Variants in ARHGAP15 observed in about 807,000 individuals in gnomAD.
ARHGAP15 encodes the protein rho GTPase-activating protein 15.
A neutral mutation model predicts 63.7 loss-of-function variants in ARHGAP15; 51 were observed. The observed-to-expected ratio is 0.80, with a 90% CI of 0.64 to 1.01. The LOEUF (loss-of-function observed/expected upper bound fraction) is 1.01. Among genes scored for constraint, ARHGAP15 ranks in the 50% least tolerant of loss-of-function variants. The pLI, the probability that ARHGAP15 is intolerant of heterozygous loss-of-function variation, is 0.00. For synonymous variants in ARHGAP15, 191 were observed against 193.8 expected, an observed-to-expected ratio of 0.99 and a Z score of 0.12; for missense variants, 560 against 564.6, an observed-to-expected ratio of 0.99 and a Z score of 0.08.
intron 6 of ARHGAP15, among the ~76,000 whole-genome samples, chr2:143,346,042 T>A (rs969983450): frequency 6.6e-6 from 1 of 152,080 alleles, no homozygotes; most frequent in East Asian, 1.9e-4. Context: ...CTACCCATTT[T>A]GGGATAAAAA....
intron 12 of ARHGAP15, among the ~76,000 whole-genome samples, chr2:143,630,920 G>A (rs1193026748): frequency 6.6e-6 from 1 of 152,020 alleles, no homozygotes; most frequent in Non-Finnish European, 1.5e-5. Context: ...CCAGGAAAAA[G>A]AACATCTCTG....
At chr2:143,462,773 AGATGGATG>A (rs34875897) in intron 8 of ARHGAP15, among the ~76,000 whole-genome samples, 3,038 of 152,116 alleles carry the variant, frequency 0.02, 91 homozygotes, top group African/African-American at 0.069. Flanking sequence ...AGATGTAGTA[AGATGGATG>A]GATGGATGGA....
At chr2:143,497,290 C>T (rs1164728012) in intron 9 of ARHGAP15, among the ~76,000 whole-genome samples, 1 of 152,206 alleles carries the variant, frequency 6.6e-6, no homozygotes, top group East Asian at 1.9e-4. Context: ...AAAAGTCAGG[C>T]TAGGGTGGTA....
At chr2:143,436,726 T>C (rs1689627427) in intron 7 of ARHGAP15, among the ~76,000 whole-genome samples, 187 bp from the exon 8 acceptor site, 1 of 152,216 alleles carries the variant, frequency 6.6e-6, no homozygotes, top group African/African-American at 2.4e-5. Context: ...GTGCTTAGCA[T>C]TTAGTAAGTA....
In ARHGAP15 at chr2:143,203,084, T is replaced by G. The variant is rs545896864; in HGVS notation, c.234+882T>G. On this transcript the variant is annotated intron_variant, in intron 3 of 13. Transcript: ENST00000295095. ...TTGGTCAATATGCTTCCAGTCTTAT[T>G]GGCTTACAGGATATTGCACTATGAT... Among the ~76,000 whole-genome samples the G allele has an allele frequency of 4.0e-3, 605 of 152,246 alleles. 6 individuals are homozygous for G. The highest frequency in any genetic ancestry group is 0.023 in the South Asian group (112 of 4,830).
At chr2:143,538,829 G>A (rs1012439535) in intron 10 of ARHGAP15, among the ~76,000 whole-genome samples, 4 of 152,150 alleles carry the variant, frequency 2.6e-5, no homozygotes, top group South Asian at 2.1e-4. Flanking sequence ...AAGGATATTG[G>A]TCTAAAATTC....
At chr2:143,163,917 G>T (rs1690398083) in intron 2 of ARHGAP15, among the ~76,000 whole-genome samples, 1 of 152,040 alleles carries the variant, frequency 6.6e-6, no homozygotes. Context: ...TTGCCTTTCT[G>T]CTCCTCAGAG....
chr2:143,520,561 A>G (rs1299967602), intron 10 of ARHGAP15, among the ~76,000 whole-genome samples: 1 of 152,204 alleles, frequency 6.6e-6, no homozygotes, highest in Non-Finnish European at 1.5e-5. Flanking sequence ...CAGGATGAAC[A>G]TGAGGAGAGG....
At chr2:143,685,223 G>A (rs142312729) in intron 12 of ARHGAP15, among the ~76,000 whole-genome samples, 58 of 152,258 alleles carry the variant, frequency 3.8e-4, no homozygotes, top group African/African-American at 1.3e-3. Flanking sequence ...CATCAACATT[G>A]AAGTAAGTTT....
intron 12 of ARHGAP15, among the ~76,000 whole-genome samples, chr2:143,648,507 A>G (rs989966265): frequency 6.6e-6 from 1 of 151,966 alleles, no homozygotes; most frequent in African/African-American, 2.4e-5. Context: ...TTGGATCTAC[A>G]TGTTGAAGCT....
intron 6 of ARHGAP15, among the ~76,000 whole-genome samples, chr2:143,429,140 A>G (rs1689269668): frequency 6.6e-6 from 1 of 152,072 alleles, no homozygotes; most frequent in Non-Finnish European, 1.5e-5. Context: ...TTACTTGGAT[A>G]GTATTCTTTC....
At chr2:143,363,468 C>T (rs1054443208) in intron 6 of ARHGAP15, among the ~76,000 whole-genome samples, 1 of 152,032 alleles carries the variant, frequency 6.6e-6, no homozygotes, top group African/African-American at 2.4e-5. Context: ...GCACTCTGGC[C>T]TGGATAACAG....
chr2:143,562,895 A>G (rs1329756397), intron 11 of ARHGAP15, among the ~76,000 whole-genome samples: 2 of 152,208 alleles, frequency 1.3e-5, no homozygotes, highest in East Asian at 3.8e-4. Context: ...AAATAAGTTT[A>G]TGAATCCTGA....
At chr2:143,210,630 T>C (rs1692527949) in intron 3 of ARHGAP15, among the ~76,000 whole-genome samples, 1 of 152,064 alleles carries the variant, frequency 6.6e-6, no homozygotes, top group South Asian at 2.1e-4. Context: ...TGAGAGAAAG[T>C]AAGGGAGGGA....
rs184877665 is a variant in ARHGAP15, at chr2:143,415,224, A to T, written c.475-20377A>T. Among the ~76,000 whole-genome samples the T allele has an allele frequency of 3.7e-3, 558 of 152,312 alleles. 2 individuals carry two copies. The highest frequency in any genetic ancestry group is 0.021 in the South Asian group (100 of 4,830). ...ATTCATTGTTTAGGAAAAAAAATTG[A>T]TAAAATTGAATACCTGATTTTAGAG... On this transcript the variant is annotated intron_variant, in intron 6 of 13. Coordinates refer to ENST00000295095, the MANE Select transcript of ARHGAP15 (RefSeq NM_018460.4).
chr2:143,699,553 T>C (rs1574856985), intron 12 of ARHGAP15, among the ~76,000 whole-genome samples: 1 of 152,198 alleles, frequency 6.6e-6, no homozygotes, highest in Non-Finnish European at 1.5e-5. Flanking sequence ...ATAAGGATAC[T>C]TATACATAAC....
At chr2:143,607,216 C>T (rs1054110411) in intron 11 of ARHGAP15, among the ~76,000 whole-genome samples, 1 of 152,290 alleles carries the variant, frequency 6.6e-6, no homozygotes, top group African/African-American at 2.4e-5. Flanking sequence ...TCAGGTGGGG[C>T]AGAGTGTGAG....
At chr2:143,288,289 C>T (rs1473222877) in intron 6 of ARHGAP15, among the ~76,000 whole-genome samples, 1 of 152,134 alleles carries the variant, frequency 6.6e-6, no homozygotes, top group African/African-American at 2.4e-5. Flanking sequence ...CCATTTTCCC[C>T]TTGGAGTCAC....
At chr2:143,567,844 G>A (rs1696292840) in intron 11 of ARHGAP15, among the ~76,000 whole-genome samples, 1 of 152,188 alleles carries the variant, frequency 6.6e-6, no homozygotes, top group African/African-American at 2.4e-5. Flanking sequence ...ACAAGTGGAT[G>A]TCCTGGTCTT....
Sources: allele counts gnomAD v4.1 joint callset (sites outside exome capture counted in the v4.1 genomes callset), GRCh38; gene constraint gnomAD v4.1.1; transcripts MANE v1.5; gene names NCBI Gene and HGNC (gene_info 2026-07-23, HGNC 2026-07-21).